The following PID1 variants were observed in gnomAD, a reference collection of about 807,000 sequenced individuals.
The protein encoded by PID1 is phosphotyrosine interaction domain containing 1, also known as PTB-containing, cubilin and LRP1-interacting protein.
A neutral mutation model predicts 19.1 loss-of-function variants in PID1; 10 were observed. That is an observed-to-expected ratio of 0.52 (90% CI 0.32 to 0.89). The LOEUF is 0.89. Among genes scored for constraint, PID1 ranks in the 40% least tolerant of loss-of-function variants. PID1 has a pLI of 0.03. For synonymous variants in PID1, 130 were observed against 116.0 expected (o/e 1.12, Z -0.78); for missense variants, 248 against 285.3 (o/e 0.87, Z 0.94).
chr2:229,116,511 C>A (rs1417332605), intron 2 of PID1, among the ~76,000 whole-genome samples: 1 of 152,064 alleles, frequency 6.6e-6, no homozygotes, highest in Non-Finnish European at 1.5e-5. Context: ...AGGGACCCAG[C>A]AGGAGGTAAC....
intron 2 of PID1, among the ~76,000 whole-genome samples, chr2:229,043,843 T>A (rs566048411): frequency 1.3e-5 from 2 of 152,148 alleles, no homozygotes; most frequent in Non-Finnish European, 1.5e-5. Flanking sequence ...AGAAAATGCA[T>A]CTTGGCAATG....
chr2:229,251,088 T>C (rs1394704366), intron 1 of PID1, among the ~76,000 whole-genome samples: 1 of 152,206 alleles, frequency 6.6e-6, no homozygotes, highest in Non-Finnish European at 1.5e-5. Context: ...CCCAAATCTT[T>C]CAAGTATCAC....
chr2:229,049,997 C>T (rs369539104), intron 2 of PID1, among the ~76,000 whole-genome samples: 1 of 152,092 alleles, frequency 6.6e-6, no homozygotes, highest in African/African-American at 2.4e-5. Context: ...GTATAATTAA[C>T]CTCAGGCAGT....
chr2:229,217,957 G>A (rs1056289162), intron 1 of PID1, among the ~76,000 whole-genome samples: 1 of 152,108 alleles, frequency 6.6e-6, no homozygotes, highest in African/African-American at 2.4e-5. Context: ...ATAATGACCT[G>A]TAAGATTCAG....
intron 1 of PID1, among the ~76,000 whole-genome samples, chr2:229,245,691 T>C (rs989424072): frequency 1.3e-5 from 2 of 152,138 alleles, no homozygotes; most frequent in Admixed American, 6.6e-5. Flanking sequence ...ACATATATTA[T>C]CTCATTTCAC....
In PID1 at chr2:229,048,668, C is replaced by T. The variant is rs185018496; in HGVS notation, c.178-22560G>A. 6.4e-4 allele frequency among the ~76,000 whole-genome samples: 98 copies of T among 152,194 alleles called. 1 individual carries two copies. The East Asian group carries it at 0.014, about 21-fold the overall frequency. On this transcript the variant is annotated intron_variant, in intron 2 of 2. Transcript: ENST00000392055. ...AGTCAAAAGGAAGGGCAGACAGCAG[C>T]GGCTAGTAATGTATGTTACAATGAT...
chr2:229,120,559 A>G (rs1394605408), intron 2 of PID1, among the ~76,000 whole-genome samples: 1 of 150,870 alleles, frequency 6.6e-6, no homozygotes, highest in African/African-American at 2.4e-5. Flanking sequence ...TAGACTCACA[A>G]TGTTCAAACC....
rs552692886 is a variant in PID1 at position 229,271,006 on chromosome 2, C to A, written c.30+8G>T. The stretch of plus-strand genomic sequence containing the variant: ...CAGGCTGGCCCCCGGCTCCCGGGTG[C>A]CCCTTACCTGCAGGCGCTCCGTGGC... On this transcript the variant is annotated splice_region_variant and intron_variant, in intron 1 of 2. Transcript: ENST00000392055. The A allele has an allele frequency of 1.3e-6, 2 of 1,542,130 alleles. No individual in the cohort carries two copies. Among genetic ancestry groups the A allele is most frequent in the African/African-American group, 2.8e-5 (2 of 72,566 alleles).
intron 1 of PID1, among the ~76,000 whole-genome samples, chr2:229,183,348 C>A (rs1203817238): frequency 6.6e-6 from 1 of 152,202 alleles, no homozygotes; most frequent in Admixed American, 6.5e-5. Flanking sequence ...GAATCAATTT[C>A]TGTTGTTTTA....
intron 2 of PID1, among the ~76,000 whole-genome samples, chr2:229,034,924 A>G (rs902527881): frequency 3.3e-5 from 5 of 152,160 alleles, no homozygotes. Flanking sequence ...TTTTCCACTG[A>G]GAAGTCAGTG....
At chr2:229,168,838 T>C (rs1037364656) in intron 1 of PID1, among the ~76,000 whole-genome samples, 4 of 152,178 alleles carry the variant, frequency 2.6e-5, no homozygotes, top group Non-Finnish European at 4.4e-5. Context: ...TTAATTATTG[T>C]GGGGTTTCAA....
intron 1 of PID1, among the ~76,000 whole-genome samples, chr2:229,235,730 T>A (rs1692310346): frequency 6.6e-6 from 1 of 152,104 alleles, no homozygotes; most frequent in South Asian, 2.1e-4. Context: ...TTCAAATGGA[T>A]GGGCTGGAGA....
At chr2:229,140,016 A>G (rs6727180) in intron 2 of PID1, among the ~76,000 whole-genome samples, 59,573 of 151,496 alleles carry the variant, frequency 0.39, 11,835 homozygotes, top group South Asian at 0.57. Flanking sequence ...TTCATGAATG[A>G]GCTTGGCATG....
intron 1 of PID1, among the ~76,000 whole-genome samples, chr2:229,165,524 G>A (rs575617233): frequency 2.0e-4 from 31 of 152,060 alleles, no homozygotes; most frequent in African/African-American, 6.8e-4. Context: ...AGGCTGCAGT[G>A]AGCTATGATC....
At chr2:229,028,218 G>A (rs1262705479) in intron 2 of PID1, among the ~76,000 whole-genome samples, 1 of 152,154 alleles carries the variant, frequency 6.6e-6, no homozygotes, top group African/African-American at 2.4e-5. Context: ...TACATAATGA[G>A]ATATCTTGGG....
At chr2:229,197,603 T>G (rs1235859807) in intron 1 of PID1, among the ~76,000 whole-genome samples, 1 of 152,024 alleles carries the variant, frequency 6.6e-6, no homozygotes, top group African/African-American at 2.4e-5. Flanking sequence ...CATAATTATA[T>G]TATAGAAATA....
At chr2:229,070,983 G>A (rs1694439482) in intron 2 of PID1, among the ~76,000 whole-genome samples, 1 of 152,156 alleles carries the variant, frequency 6.6e-6, no homozygotes, top group African/African-American at 2.4e-5. Flanking sequence ...TGCTTCACAT[G>A]TTTTAATTTT....
intron 2 of PID1, among the ~76,000 whole-genome samples, chr2:229,045,360 A>G (rs1055980135): frequency 6.6e-6 from 1 of 152,256 alleles, no homozygotes; most frequent in African/African-American, 2.4e-5. Context: ...AATAAAGTGA[A>G]TGACTGATAT....
intron 1 of PID1, among the ~76,000 whole-genome samples, chr2:229,264,792 C>T (rs973136775): frequency 1.1e-4 from 16 of 152,112 alleles, no homozygotes; most frequent in African/African-American, 3.4e-4. Flanking sequence ...GGAATAGGAC[C>T]GTGAGTCCTC....
Sources: allele counts gnomAD v4.1 joint callset (sites outside exome capture counted in the v4.1 genomes callset), GRCh38; gene constraint gnomAD v4.1.1; transcripts MANE v1.5; gene names NCBI Gene and HGNC (gene_info 2026-07-23, HGNC 2026-07-21).